Variants in MORC1 observed in about 807,000 individuals in gnomAD.
The protein encoded by MORC1 is MORC family CW-type zinc finger protein 1.
In MORC1, 59 loss-of-function variants were observed where a neutral mutation model predicts 134.9. The observed-to-expected ratio is 0.44, with a 90% CI of 0.35 to 0.54. MORC1 has a LOEUF of 0.54. Among genes scored for constraint, MORC1 ranks in the 20% least tolerant of loss-of-function variants. MORC1 has a pLI of 0.00. For missense variants in MORC1, 947 were observed against 1,134.5 expected (o/e 0.83, Z 2.37); for synonymous variants, 395 against 391.7 (o/e 1.01, Z -0.10).
chr3:109,117,393 A>G (rs1951297232), intron 1 of MORC1, among the ~76,000 whole-genome samples: 1 of 152,060 alleles, frequency 6.6e-6, no homozygotes, highest in African/African-American at 2.4e-5. Flanking sequence ...CTGTGAATTA[A>G]ATAGCACTAA....
chr3:109,002,232 C>A (rs1948422027), intron 20 of MORC1, among the ~76,000 whole-genome samples: 1 of 152,192 alleles, frequency 6.6e-6, no homozygotes, highest in African/African-American at 2.4e-5. Context: ...CCTATAGTAT[C>A]TTGGTTATTG....
At chr3:108,974,712 ATTT>A (rs1192304703) in intron 24 of MORC1, among the ~76,000 whole-genome samples, 1 of 152,150 alleles carries the variant, frequency 6.6e-6, no homozygotes. Flanking sequence ...TTTACTCAGA[ATTT>A]TACGCCCAGA....
At chr3:109,001,938 A>G (rs544222864) in intron 20 of MORC1, among the ~76,000 whole-genome samples, 1 of 152,316 alleles carries the variant, frequency 6.6e-6, no homozygotes, top group South Asian at 2.1e-4. Flanking sequence ...ATTTCAATTA[A>G]TGGAATCACC....
At chr3:109,078,294 A>G (rs1252320451) in intron 8 of MORC1, among the ~76,000 whole-genome samples, 1 of 152,106 alleles carries the variant, frequency 6.6e-6, no homozygotes, top group Non-Finnish European at 1.5e-5. Flanking sequence ...ACATAAGCCC[A>G]TAAGAAAATC....
chr3:109,046,458 A>C (rs1949699043), intron 14 of MORC1, among the ~76,000 whole-genome samples: 1 of 152,194 alleles, frequency 6.6e-6, no homozygotes, highest in Non-Finnish European at 1.5e-5. Context: ...ACTAGACATA[A>C]AAATCAAGTC....
At chr3:109,003,092 G>C (rs1948447447) in intron 20 of MORC1, among the ~76,000 whole-genome samples, 2 of 151,992 alleles carry the variant, frequency 1.3e-5, no homozygotes, top group African/African-American at 4.8e-5. Flanking sequence ...AAACAGTCAT[G>C]CTACTGTGTC....
intron 8 of MORC1, among the ~76,000 whole-genome samples, chr3:109,070,160 C>A (rs976801590): frequency 3.9e-5 from 6 of 152,132 alleles, no homozygotes; most frequent in African/African-American, 1.2e-4. Context: ...AAAAAGCATT[C>A]CCATTAAGTC....
At chr3:109,004,685 TA>T in intron 20 of MORC1, 131 bp downstream of exon 20, 1 of 844,552 alleles carries the variant, frequency 1.2e-6, no homozygotes, top group South Asian at 2.0e-5. Flanking sequence ...GAACCTTGAT[TA>T]CAGGGTAACA....
chr3:109,012,930 G>A (rs548904785), intron 17 of MORC1, among the ~76,000 whole-genome samples: 5 of 152,196 alleles, frequency 3.3e-5, no homozygotes, highest in Non-Finnish European at 7.4e-5. Flanking sequence ...AGAACCTCTT[G>A]TACAATGTGG....
intron 8 of MORC1, among the ~76,000 whole-genome samples, chr3:109,089,235 T>G (rs1358875755): frequency 6.6e-6 from 1 of 152,104 alleles, no homozygotes; most frequent in African/African-American, 2.4e-5. Context: ...AGAAAAGTAA[T>G]GCTTAGATCC....
At chr3:108,961,452 C>T (rs1254235159) in intron 27 of MORC1, among the ~76,000 whole-genome samples, 1 of 152,200 alleles carries the variant, frequency 6.6e-6, no homozygotes, top group Non-Finnish European at 1.5e-5. Flanking sequence ...CTATTATCCT[C>T]TGCCTGGTGG....
At chr3:109,000,306 C>T (rs1237676555) in intron 21 of MORC1, among the ~76,000 whole-genome samples, 1 of 152,110 alleles carries the variant, frequency 6.6e-6, no homozygotes, top group Non-Finnish European at 1.5e-5. Flanking sequence ...TATATTAAGG[C>T]TTTCTTACCC....
chr3:109,110,258 T>A (rs1951133359), intron 3 of MORC1: 1 of 153,200 alleles, frequency 6.5e-6, no homozygotes, highest in African/African-American at 2.4e-5. Context: ...AGAACCTAAC[T>A]TCATTAGCAT....
rs537009329 is a variant in MORC1 at position 108,993,946 on chromosome 3, T to A, written c.2187+6611A>T. 9.2e-5 allele frequency among the ~76,000 whole-genome samples: 14 copies of A among 152,338 alleles called. No homozygotes were observed. The South Asian group carries it at 1.7e-3, about 18-fold the overall frequency. ...TAAACCTAGACACGGTAGCAACTCA[T>A]CAGCTCATCTAGATGTTCTCCAGTT... On this transcript the variant is annotated intron_variant, in intron 21 of 27. Transcript: ENST00000232603.
At chr3:109,103,763 T>C (rs553354947) in intron 4 of MORC1, 86 bp downstream of exon 4, 1 of 1,269,666 alleles carries the variant, frequency 7.9e-7, no homozygotes, top group African/African-American at 1.5e-5. Flanking sequence ...TACCTGTTTT[T>C]GCATAGATAG....
At chr3:108,971,425 T>C in intron 24 of MORC1, 23 bp from the exon 25 acceptor site, 3 of 1,593,084 alleles carry the variant, frequency 1.9e-6, no homozygotes, top group South Asian at 1.1e-5. Flanking sequence ...GCACAGCAGA[T>C]ATGGGAATAT....
At position 108,986,869 on chromosome 3, in the gene MORC1, T is replaced by TA. The variant is rs767460055; in HGVS notation, c.2257+10_2257+11insT. 4 of 1,380,246 alleles carry TA rather than the reference T, an allele frequency of 2.9e-6. No homozygotes were observed. The highest frequency in any genetic ancestry group is 1.9e-6 in the Non-Finnish European group (2 of 1,060,470). The allele number at this position is 1,380,246 out of a possible 1,614,324, so 85.5% of individuals were successfully genotyped here. A position where few individuals can be genotyped will look rare whatever the true frequency, so the allele number is the denominator to read the frequency against. ...TAATATATATATATACATGAGCTGA[T>TA]TTTTTTTTACCTTGGTTTAAAAGAG... On this transcript the variant is annotated intron_variant, in intron 22 of 27. Transcript: ENST00000232603.
At chr3:108,969,645 T>C (rs1310418680) in intron 26 of MORC1, 24 bp downstream of exon 26, 2 of 1,597,460 alleles carry the variant, frequency 1.3e-6, no homozygotes, top group African/African-American at 1.3e-5. Context: ...AGAATATAAA[T>C]GGTGATACTG....
In MORC1 at chr3:108,969,681, C is replaced by T; in HGVS notation, c.2592G>A (p.Met864Ile). The T allele has an allele frequency of 1.9e-6, 3 of 1,613,758 alleles. No individual in the cohort carries two copies. Among genetic ancestry groups the T allele is most frequent in the South Asian group, 2.2e-5 (2 of 91,072 alleles). The change falls in exon 26 of 28, where the codon ATG (methionine) becomes ATA (isoleucine). Residue 864 changes from methionine to isoleucine, a missense_variant. Coordinates refer to ENST00000232603, the MANE Select transcript of MORC1 (RefSeq NM_014429.4). Reference protein sequence around the residue: ...CPEQMNKKLKMCFNQIQNTYM... With the variant: ...CPEQMNKKLKICFNQIQNTYM... Reference sequence around the variant, plus strand: ...AAAGGAAGCTTACCTGGTTGAAACACATTTTCAGCTTTTTGTTCATCTGCT... The same window carrying T: ...AAAGGAAGCTTACCTGGTTGAAACATATTTTCAGCTTTTTGTTCATCTGCT...
Sources: gnomAD v4.1 joint callset for allele counts (sites outside exome capture counted in the v4.1 genomes callset) on GRCh38, gnomAD v4.1.1 for gene constraint, MANE v1.5 for transcripts, NCBI Gene and HGNC (gene_info 2026-07-23, HGNC 2026-07-21) for gene names.